NIF3L1: variants seen among roughly 807,000 people sequenced by gnomAD.
The protein encoded by NIF3L1 is NIF3-like protein 1.
Under a neutral mutation model 35.0 loss-of-function variants are expected in NIF3L1, and 26 were observed. The ratio of observed to expected loss-of-function variants is 0.74; its 90% CI spans 0.54 to 1.03. The LOEUF (loss-of-function observed/expected upper bound fraction) is 1.03, where lower values mean the gene tolerates loss of function less well. NIF3L1 is among the 50% of genes least tolerant of loss of function. The probability of loss-of-function intolerance (pLI) is 0.00; values close to 1 mark genes in which losing one functional copy is unlikely to be tolerated. For synonymous variants in NIF3L1, 157 were observed against 178.9 expected (o/e 0.88, Z 0.98); for missense variants, 449 against 466.3 (o/e 0.96, Z 0.34).
At chr2:200,893,977 C>G (rs949405991) in intron 3 of NIF3L1, among the ~76,000 whole-genome samples, 11 of 152,186 alleles carry the variant, frequency 7.2e-5, no homozygotes, top group African/African-American at 2.4e-4. Flanking sequence ...GAGTTTGAGA[C>G]CAGCCTGACT....
chr2:200,901,119 T>C (rs2040404610), intron 6 of NIF3L1, among the ~76,000 whole-genome samples: 2 of 152,222 alleles, frequency 1.3e-5, no homozygotes, highest in South Asian at 4.1e-4. Flanking sequence ...GGAACAATTA[T>C]CAAACATGGG....
intron 3 of NIF3L1, among the ~76,000 whole-genome samples, chr2:200,894,173 C>CA (rs548333663): frequency 0.097 from 6,407 of 66,350 alleles, 209 homozygotes; most frequent in Middle Eastern, 0.17. Flanking sequence ...GACTCTGTCT[C>CA]AAAAAAAAAA....
rs1324071299 is a variant in NIF3L1 at position 200,893,381 on chromosome 2, G to A, written c.572G>A (p.Gly191Asp). The A allele has an allele frequency of 1.2e-6, 2 of 1,613,778 alleles. No individual in the cohort carries two copies. The highest frequency in any genetic ancestry group is 1.7e-6 in the Non-Finnish European group (2 of 1,179,844). The change falls in exon 3 of 7, where the codon GGT (glycine) becomes GAT (aspartate). Residue 191 changes from glycine (G) to aspartate (D), a missense_variant. By Grantham distance (94) the Gly-to-Asp change is moderately conservative. Transcript: ENST00000409020. Reference sequence around the variant, plus strand: ...ATGTCTGCAGTGAAAGGAATTGACGGTGTTTCTGTCACTTCTTTTTCTGCT... The same window carrying A: ...ATGTCTGCAGTGAAAGGAATTGACGATGTTTCTGTCACTTCTTTTTCTGCT... ...KVMSAVKGID[G>D]VSVTSFSART...
chr2:200,889,328 A>G (rs1476480666), upstream of NIF3L1: 1 of 285,082 alleles, frequency 3.5e-6, no homozygotes, highest in Non-Finnish European at 7.0e-6. Flanking sequence ...CGGGGAGCCA[A>G]GTGCCACAGC....
chr2:200,896,998 T>C (rs1236049684), intron 4 of NIF3L1, 78 bp from the exon 5 acceptor site: 1 of 1,369,502 alleles, frequency 7.3e-7, no homozygotes, highest in Admixed American at 1.9e-5. Flanking sequence ...AATCTCACAG[T>C]GTGCATGTTG....
intron 6 of NIF3L1, among the ~76,000 whole-genome samples, chr2:200,900,783 AT>A (rs2040399263): frequency 6.6e-6 from 1 of 152,222 alleles, no homozygotes; most frequent in African/African-American, 2.4e-5. Flanking sequence ...CTATTTTAAA[AT>A]TCATTTTAGC....
chr2:200,889,737 AGTT>A (rs1447233480), intron 1 of NIF3L1, 85 bp downstream of exon 1: 2 of 152,350 alleles, frequency 1.3e-5, no homozygotes, highest in Non-Finnish European at 2.9e-5. Context: ...CTAGGACGGG[AGTT>A]GTTTCCAGCT....
chr2:200,893,386 T>G lies in NIF3L1; in HGVS notation c.577T>G (p.Ser193Ala). ...MSAVKGIDGV[S>A]VTSFSARTGN... ...TGCAGTGAAAGGAATTGACGGTGTT[T>G]CTGTCACTTCTTTTTCTGCTAGGTA... Residue 193 changes from serine to alanine, a missense_variant, in exon 3 of 7, where the codon TCT (serine) becomes GCT (alanine). Ser to Ala is a moderately conservative substitution (Grantham distance 99). Coordinates refer to ENST00000409020, the MANE Select transcript of NIF3L1 (RefSeq NM_001369441.2). 1 of 1,614,060 alleles carries G rather than the reference T, an allele frequency of 6.2e-7. No individual in the cohort carries two copies. The highest frequency in any genetic ancestry group is 8.5e-7 in the Non-Finnish European group (1 of 1,179,964).
rs571216531 is a variant in NIF3L1 at position 200,892,332 on chromosome 2, A to G, written c.389A>G (p.Tyr130Cys). The G allele has an allele frequency of 3.7e-6, 6 of 1,612,568 alleles. No individual in the cohort carries two copies. The highest frequency in any genetic ancestry group is 5.1e-6 in the Non-Finnish European group (6 of 1,179,834). ...RVGIYSPHTA[Y>C]DAAPQGVNNW... ...GGTATCTACTCTCCTCATACAGCCT[A>G]TGATGCTGCGCCCCAGGGCGTCAAC... Residue 130 changes from tyrosine to cysteine, a missense_variant, in exon 2 of 7, where the codon TAT becomes TGT. Physicochemically the swap from Tyr to Cys is radical, Grantham distance 194. Transcript: ENST00000409020.
At chr2:200,899,167 T>A in intron 5 of NIF3L1, 2 of 393,396 alleles carry the variant, frequency 5.1e-6, no homozygotes, top group South Asian at 6.8e-5. Context: ...AACAAAGGAA[T>A]AATAACCATG....
intron 6 of NIF3L1, among the ~76,000 whole-genome samples, chr2:200,902,794 A>ACT (rs2040429761): frequency 6.6e-6 from 1 of 152,236 alleles, no homozygotes. Context: ...GCTGGGCAGT[A>ACT]TACATATAAT....
In NIF3L1 at chr2:200,903,798, C is replaced by T. The variant is rs555516983; in HGVS notation, c.*120C>T. On this transcript the variant is annotated 3_prime_UTR_variant, in exon 7 of 7. Coordinates refer to ENST00000409020, the MANE Select transcript of NIF3L1 (RefSeq NM_001369441.2). ...GTGTCTTCGAGGGTATCATCATTTC[C>T]GGTTTGTTAATCTTATTCACCAAAT... The T allele has an allele frequency of 2.2e-4, 175 of 799,648 alleles. 4 individuals are homozygous for T. In the South Asian group the frequency reaches 2.3e-3, roughly 10 times the overall value. The allele number at this position is 799,648 out of a possible 1,614,324, so 49.5% of individuals were successfully genotyped here. A position where few individuals can be genotyped will look rare whatever the true frequency, so the allele number is the denominator to read the frequency against.
chr2:200,899,230 C>A, intron 5 of NIF3L1, 155 bp from the exon 6 acceptor site: 1 of 467,746 alleles, frequency 2.1e-6, no homozygotes, highest in Non-Finnish European at 3.8e-6. Flanking sequence ...TATATTAAAA[C>A]ATGTTTTTTT....
In NIF3L1 at chr2:200,892,369, T is replaced by C. The variant is rs2040217150; in HGVS notation, c.426T>C (p.Ala142=). The change falls in exon 2 of 7, where the codon GCT becomes GCC. Residue 142 remains alanine (A), a synonymous_variant. Coordinates refer to ENST00000409020, the MANE Select transcript of NIF3L1 (RefSeq NM_001369441.2). ...CCCAGGGCGTCAACAACTGGTTGGC[T>C]AAAGGGCTTGGTGAGAAGCCTCTTT... ...AAPQGVNNWL[A]KGLGACTSRP... is the part of the protein sequence containing the mutation. The C allele has an allele frequency of 6.3e-7, 1 of 1,593,662 alleles. No individual in the cohort carries two copies. Among genetic ancestry groups the C allele is most frequent in the Non-Finnish European group, 8.5e-7 (1 of 1,171,870 alleles).
At position 200,893,364 on chromosome 2, in the gene NIF3L1, AG is replaced by A. The variant is rs1559349104; in HGVS notation, c.556del (p.Val186Ter). 6.2e-7 allele frequency: 1 copy of A among 1,614,042 alleles called. No individual in the cohort carries two copies. ...AAGACCTGGACAAAGTCATGTCTGC[AG>A]TGAAAGGAATTGACGGTGTTTCTGT... ...TQDLDKVMSA[V>X]KGIDGVSVTS... On this transcript the variant is annotated frameshift_variant, in exon 3 of 7. Coordinates refer to ENST00000409020, the MANE Select transcript of NIF3L1 (RefSeq NM_001369441.2). LOFTEE classifies it high-confidence loss of function.
chr2:200,899,337 T>C, intron 5 of NIF3L1, 48 bp from the exon 6 acceptor site: 1 of 1,395,562 alleles, frequency 7.2e-7, no homozygotes, highest in Non-Finnish European at 1.0e-6. Context: ...AATAGTAAAA[T>C]GAAAGGGAAT....
At chr2:200,898,349 A>C (rs1456371333) in intron 5 of NIF3L1, among the ~76,000 whole-genome samples, 6 of 152,200 alleles carry the variant, frequency 3.9e-5, no homozygotes, top group Admixed American at 3.3e-4. Flanking sequence ...GAATGAGTGC[A>C]AGCAAGAGAA....
chr2:200,898,832 T>C (rs927049868), intron 5 of NIF3L1, among the ~76,000 whole-genome samples: 3 of 152,234 alleles, frequency 2.0e-5, no homozygotes, highest in Admixed American at 1.3e-4. Flanking sequence ...ATTCCTCTTT[T>C]TATAGTCCTT....
At chr2:200,894,222 T>C (rs1025537656) in intron 3 of NIF3L1, among the ~76,000 whole-genome samples, 22 of 151,400 alleles carry the variant, frequency 1.5e-4, no homozygotes, top group African/African-American at 2.4e-5. Context: ...TCAGACCTTA[T>C]AATTAGAATG....
Sources: gnomAD v4.1 joint callset for allele counts (sites outside exome capture counted in the v4.1 genomes callset) on GRCh38, gnomAD v4.1.1 for gene constraint, MANE v1.5 for transcripts, NCBI Gene and HGNC (gene_info 2026-07-23, HGNC 2026-07-21) for gene names.